ARFIP1: variants seen among roughly 807,000 people sequenced by gnomAD.
ARFIP1 encodes the protein arfaptin-1.
In ARFIP1, 24 loss-of-function variants were observed where a neutral mutation model predicts 42.5. The observed-to-expected ratio is 0.57, with a 90% CI of 0.41 to 0.80. The LOEUF (loss-of-function observed/expected upper bound fraction) is 0.80. ARFIP1 is among the 30% of genes least tolerant of loss of function. ARFIP1 has a pLI of 0.00. For missense variants in ARFIP1, 354 were observed against 434.0 expected (o/e 0.82, Z 1.64); for synonymous variants, 141 against 153.7 (o/e 0.92, Z 0.61).
chr4:152,834,345 A>G (rs1561130623), intron 2 of ARFIP1, among the ~76,000 whole-genome samples: 1 of 152,144 alleles, frequency 6.6e-6, no homozygotes, highest in Admixed American at 6.5e-5. Flanking sequence ...TAGTTTCCTA[A>G]AGTCTTAACT....
chr4:152,807,424 T>G (rs1302723749), intron 1 of ARFIP1, among the ~76,000 whole-genome samples: 1 of 152,192 alleles, frequency 6.6e-6, no homozygotes, highest in Non-Finnish European at 1.5e-5. Context: ...TTCACTCACA[T>G]TTGGTATTAT....
At position 152,866,806 on chromosome 4, in the gene ARFIP1, C is replaced by T. The variant is rs568124296; in HGVS notation, c.202+3092C>T. Among the ~76,000 whole-genome samples the T allele has an allele frequency of 6.6e-5, 10 of 152,108 alleles. 1 individual carries two copies. The South Asian group carries it at 2.1e-3, about 32-fold the overall frequency. Reference sequence around the variant, plus strand: ...GGGGCTGCTGGGCAGAGACGCTCCTCACCTCCCAGATGGGGTCGCGGCCAG... The same window carrying T: ...GGGGCTGCTGGGCAGAGACGCTCCTTACCTCCCAGATGGGGTCGCGGCCAG... On this transcript the variant is annotated intron_variant, in intron 3 of 8. Transcript: ENST00000353617.
At chr4:152,802,218 CA>C (rs1039170355) in intron 1 of ARFIP1, among the ~76,000 whole-genome samples, 6 of 152,124 alleles carry the variant, frequency 3.9e-5, no homozygotes, top group African/African-American at 1.4e-4. Context: ...GGTATTGGAA[CA>C]AAATATGATC....
At chr4:152,817,898 C>T (rs1730033146) in intron 1 of ARFIP1, among the ~76,000 whole-genome samples, 1 of 152,058 alleles carries the variant, frequency 6.6e-6, no homozygotes, top group Admixed American at 6.5e-5. Context: ...ATCAAAACTA[C>T]AATGAGATAT....
At chr4:152,892,053 T>TC (rs1414238120) in intron 8 of ARFIP1, among the ~76,000 whole-genome samples, 9 of 151,726 alleles carry the variant, frequency 5.9e-5, no homozygotes, top group African/African-American at 1.9e-4. Flanking sequence ...TCCTATTTCT[T>TC]CCCCCCAACC....
intron 1 of ARFIP1, among the ~76,000 whole-genome samples, chr4:152,828,192 G>A (rs1201334627): frequency 6.6e-6 from 1 of 152,098 alleles, no homozygotes; most frequent in Non-Finnish European, 1.5e-5. Flanking sequence ...TTTTTCTGTG[G>A]GTAAGTAAGT....
chr4:152,857,960 A>G (rs1055072571), intron 2 of ARFIP1, among the ~76,000 whole-genome samples: 3 of 152,120 alleles, frequency 2.0e-5, no homozygotes, highest in Non-Finnish European at 4.4e-5. Flanking sequence ...AGTGGCTGTC[A>G]TGAAGTTGGT....
intron 3 of ARFIP1, among the ~76,000 whole-genome samples, chr4:152,868,761 C>T (rs540229313): frequency 2.6e-5 from 4 of 152,178 alleles, no homozygotes; most frequent in East Asian, 1.9e-4. Context: ...ATGCCTTGGA[C>T]GGTAGAGATA....
At chr4:152,796,019 T>C in intron 1 of ARFIP1, 1 of 633,436 alleles carries the variant, frequency 1.6e-6, no homozygotes, top group East Asian at 3.3e-5. Flanking sequence ...TGGTAGTTTT[T>C]TCAGTTGGTG....
chr4:152,790,971 T>G (rs1731118723), intron 1 of ARFIP1, among the ~76,000 whole-genome samples: 1 of 151,952 alleles, frequency 6.6e-6, no homozygotes, highest in Non-Finnish European at 1.5e-5. Context: ...CTCCTGGGCT[T>G]AAGTGATCCA....
intron 1 of ARFIP1, chr4:152,809,560 TC>T (rs1383149084): frequency 6.6e-6 from 1 of 152,172 alleles, no homozygotes; most frequent in Admixed American, 6.5e-5. Flanking sequence ...AATGGAATAT[TC>T]CATTGCTTCT....
chr4:152,901,721 T>C lies in ARFIP1; in HGVS notation c.967-8343T>C, dbSNP rs191269608. ...AATATTTTATATTTTAAATCATTTC[T>C]AACTTAGGACATAAATAGTTCAATA... On this transcript the variant is annotated intron_variant, in intron 8 of 8. Transcript: ENST00000353617. Among the ~76,000 whole-genome samples the C allele has an allele frequency of 4.0e-3, 602 of 152,342 alleles. 4 individuals carry two copies. The highest frequency in any genetic ancestry group is 0.014 in the South Asian group (69 of 4,826).
intron 1 of ARFIP1, among the ~76,000 whole-genome samples, chr4:152,820,674 C>T (rs1008954111): frequency 6.6e-6 from 1 of 152,158 alleles, no homozygotes; most frequent in Non-Finnish European, 1.5e-5. Flanking sequence ...AACTCACTAT[C>T]GCAAGAACAG....
intron 1 of ARFIP1, among the ~76,000 whole-genome samples, chr4:152,821,530 C>G (rs922115017): frequency 6.6e-6 from 1 of 151,696 alleles, no homozygotes; most frequent in Non-Finnish European, 1.5e-5. Flanking sequence ...TATAGGTGTT[C>G]CTAAGAGAAG....
Position 152,882,796 on chromosome 4 carries a change from A to G in ARFIP1, c.707A>G (p.Asn236Ser). The change falls in exon 7 of 9, where the codon AAT becomes AGT. Residue 236 changes from asparagine to serine, a missense_variant. Asn to Ser is a conservative substitution (Grantham distance 46). Transcript: ENST00000353617. ...KNGETLLGAI[N>S]FFIASVNTLV... ...GGAGAGACTCTTCTTGGGGCCATTA[A>G]TTTTTTCATTGCTAGTGTGAACACT... 1 of 1,613,068 alleles carries G rather than the reference A, an allele frequency of 6.2e-7. No homozygotes were observed. Among genetic ancestry groups the G allele is most frequent in the Non-Finnish European group, 8.5e-7 (1 of 1,179,402 alleles).
intron 8 of ARFIP1, among the ~76,000 whole-genome samples, chr4:152,904,182 A>G (rs1265669276): frequency 9.8e-5 from 10 of 102,204 alleles, no homozygotes; most frequent in East Asian, 9.6e-4. Flanking sequence ...GTGTGTGTGT[A>G]TATATATATA....
chr4:152,853,902 ATTC>A, intron 2 of ARFIP1, among the ~76,000 whole-genome samples: 1 of 99,436 alleles, frequency 1.0e-5, no homozygotes, highest in Non-Finnish European at 2.1e-5. Context: ...AAGTTCTGAG[ATTC>A]TTTTTTTTTT....
At chr4:152,797,787 C>CT (rs1731557628) in intron 1 of ARFIP1, among the ~76,000 whole-genome samples, 1 of 152,122 alleles carries the variant, frequency 6.6e-6, no homozygotes, top group South Asian at 2.1e-4. Flanking sequence ...AATTATCTTG[C>CT]TACTTCATTG....
At chr4:152,863,280 A>G (rs1002373372) in intron 2 of ARFIP1, among the ~76,000 whole-genome samples, 1 of 152,314 alleles carries the variant, frequency 6.6e-6, no homozygotes, top group East Asian at 1.9e-4. Flanking sequence ...AAATTGAATG[A>G]TCTTAATTTT....
Sources: allele counts gnomAD v4.1 joint callset (sites outside exome capture counted in the v4.1 genomes callset), GRCh38; gene constraint gnomAD v4.1.1; transcripts MANE v1.5; gene names NCBI Gene and HGNC (gene_info 2026-07-23, HGNC 2026-07-21).